Variants in STX8 observed in about 807,000 individuals in gnomAD.
STX8 encodes the protein syntaxin-8.
In STX8, 23 loss-of-function variants were observed where a neutral mutation model predicts 37.5. The observed-to-expected ratio is 0.61, with a 90% confidence interval of 0.44 to 0.87. The LOEUF (loss-of-function observed/expected upper bound fraction) is 0.87. Ranked by LOEUF, STX8 falls within the 40% of genes least tolerant of loss-of-function variation. STX8 has a pLI of 0.00. For synonymous variants in STX8, 115 were observed against 99.1 expected (o/e 1.16, Z -0.95); for missense variants, 313 against 284.7 (o/e 1.10, Z -0.71).
chr17:9,382,985 C>T (rs1050964420), intron 6 of STX8, among the ~76,000 whole-genome samples: 3 of 152,090 alleles, frequency 2.0e-5, no homozygotes, highest in African/African-American at 7.2e-5. Context: ...GAGTAAAGCC[C>T]GTATGAATGA....
chr17:9,278,451 G>GAA (rs111575173), intron 7 of STX8, among the ~76,000 whole-genome samples: 71 of 132,434 alleles, frequency 5.4e-4, no homozygotes, highest in African/African-American at 1.8e-3. Context: ...TTCCATCTCA[G>GAA]AAAAAAAAAA....
At chr17:9,267,366 A>G (rs1907266094) in intron 7 of STX8, among the ~76,000 whole-genome samples, 1 of 152,152 alleles carries the variant, frequency 6.6e-6, no homozygotes, top group African/African-American at 2.4e-5. Context: ...ACCTGCTGGA[A>G]ATTGTTCTTG....
chr17:9,501,937 C>T (rs182475071), intron 5 of STX8, among the ~76,000 whole-genome samples: 200 of 152,252 alleles, frequency 1.3e-3, no homozygotes, highest in African/African-American at 4.6e-3. Flanking sequence ...TCACTGCACT[C>T]CAGCCTGGGC....
intron 6 of STX8, among the ~76,000 whole-genome samples, chr17:9,424,464 G>A (rs966404597): frequency 1.3e-5 from 2 of 152,020 alleles, no homozygotes; most frequent in African/African-American, 4.8e-5. Context: ...CCTGCCTCCA[G>A]GCCCTCTCTC....
intron 6 of STX8, among the ~76,000 whole-genome samples, chr17:9,448,534 G>GCA (rs571083843): frequency 0.2 from 29,720 of 151,922 alleles, 3,761 homozygotes; most frequent in East Asian, 0.63. Flanking sequence ...CAAGAAGGCT[G>GCA]CAATGTGCGT....
chr17:9,485,745 C>G (rs902684793), intron 6 of STX8, among the ~76,000 whole-genome samples: 1 of 152,118 alleles, frequency 6.6e-6, no homozygotes, highest in Middle Eastern at 3.4e-3. Context: ...GCCACCACAC[C>G]CAGCTAATTT....
rs1251124523 is a variant in STX8, at chr17:9,496,325, C to T, written c.449-4404G>A. On this transcript the variant is annotated intron_variant, in intron 5 of 7. Coordinates refer to ENST00000306357, the MANE Select transcript of STX8 (RefSeq NM_004853.3). ...TCCTGACCTCAGGTGATCCAGCTGC[C>T]TCGGCCTCCCAAAGTGCTGGGATTA... is the stretch of plus-strand genomic sequence containing the variant. Among the ~76,000 whole-genome samples, 3 of 152,176 alleles carry T rather than the reference C, an allele frequency of 2.0e-5. No homozygotes were observed. In the East Asian group the frequency reaches 5.8e-4, roughly 29 times the overall value.
At chr17:9,381,791 G>A (rs1344851547) in intron 6 of STX8, among the ~76,000 whole-genome samples, 3 of 152,132 alleles carry the variant, frequency 2.0e-5, no homozygotes, top group Admixed American at 1.3e-4. Flanking sequence ...CAACATGGTG[G>A]AACCCCTTCT....
chr17:9,441,274 G>A (rs112383718), intron 6 of STX8, among the ~76,000 whole-genome samples: 11,051 of 151,648 alleles, frequency 0.073, 1,176 homozygotes, highest in African/African-American at 0.23. Context: ...GGCGGATCAC[G>A]AGGTTGGGAG....
At chr17:9,331,872 T>A (rs745423781) in intron 7 of STX8, among the ~76,000 whole-genome samples, 7 of 151,396 alleles carry the variant, frequency 4.6e-5, no homozygotes, top group Non-Finnish European at 5.9e-5. Context: ...GCAAACAAAG[T>A]GTATGGAAAG....
At chr17:9,526,343 A>G (rs1270758209) in intron 4 of STX8, among the ~76,000 whole-genome samples, 1 of 152,178 alleles carries the variant, frequency 6.6e-6, no homozygotes. Context: ...CAGAAAGAAA[A>G]AAGTCAAACA....
At chr17:9,298,444 A>G (rs912622200) in intron 7 of STX8, among the ~76,000 whole-genome samples, 1 of 151,808 alleles carries the variant, frequency 6.6e-6, no homozygotes, top group Non-Finnish European at 1.5e-5. Flanking sequence ...TGCCACGTGC[A>G]CTCCTGCTTT....
At chr17:9,567,279 T>C (rs1381140062) in intron 2 of STX8, among the ~76,000 whole-genome samples, 2 of 152,202 alleles carry the variant, frequency 1.3e-5, no homozygotes, top group African/African-American at 2.4e-5. Context: ...CAAACCCACA[T>C]ATGTACCCCT....
chr17:9,289,787 C>CAAAAA (rs61622479), intron 7 of STX8, among the ~76,000 whole-genome samples: 33,356 of 150,388 alleles, frequency 0.22, 3,809 homozygotes, highest in East Asian at 0.4. Flanking sequence ...CTCAAAAAAA[C>CAAAAA]AAAAACAAAA....
At chr17:9,377,119 T>C (rs1911620137) in intron 7 of STX8, among the ~76,000 whole-genome samples, 1 of 152,042 alleles carries the variant, frequency 6.6e-6, no homozygotes, top group South Asian at 2.1e-4. Flanking sequence ...CCTTCTTTCT[T>C]ACTGAGCAAA....
intron 6 of STX8, among the ~76,000 whole-genome samples, chr17:9,450,935 T>G (rs1355137125): frequency 6.6e-6 from 1 of 152,120 alleles, no homozygotes; most frequent in Non-Finnish European, 1.5e-5. Flanking sequence ...TTTTGTCCAG[T>G]AACACAAAAA....
At chr17:9,319,823 C>T (rs1245460465) in intron 7 of STX8, among the ~76,000 whole-genome samples, 1 of 151,232 alleles carries the variant, frequency 6.6e-6, no homozygotes, top group African/African-American at 2.4e-5. Flanking sequence ...TGGTGTCACA[C>T]ACTTGTAATC....
chr17:9,434,072 C>T (rs896098322), intron 6 of STX8, among the ~76,000 whole-genome samples: 2 of 152,068 alleles, frequency 1.3e-5, no homozygotes, highest in Non-Finnish European at 2.9e-5. Flanking sequence ...GGCGCAATCT[C>T]GGCTCACTGC....
intron 4 of STX8, among the ~76,000 whole-genome samples, chr17:9,526,836 C>T (rs1905590971): frequency 6.6e-6 from 1 of 151,072 alleles, no homozygotes; most frequent in Admixed American, 6.6e-5. Context: ...GTACTCTGCC[C>T]TGGGCAACAA....
Sources: allele counts gnomAD v4.1 joint callset (sites outside exome capture counted in the v4.1 genomes callset), GRCh38; gene constraint gnomAD v4.1.1; transcripts MANE v1.5; gene names NCBI Gene and HGNC (gene_info 2026-07-23, HGNC 2026-07-21).